CHODL: variants seen among roughly 807,000 people sequenced by gnomAD.
The protein encoded by CHODL is transmembrane protein MT75.
Under a neutral mutation model 34.5 loss-of-function variants are expected in CHODL, and 29 were observed. That is an observed-to-expected ratio of 0.84 (90% confidence interval 0.63 to 1.15). The LOEUF is 1.15. Ranked by LOEUF, CHODL falls within the 50% of genes most tolerant of loss-of-function variation. CHODL has a pLI of 0.00. For synonymous variants in CHODL, 125 were observed against 116.1 expected (o/e 1.08, Z -0.49); for missense variants, 332 against 332.5 (o/e 1.00, Z 0.01).
chr21:18,265,507 T>C (rs1426776385), intron 5 of CHODL, among the ~76,000 whole-genome samples: 1 of 151,786 alleles, frequency 6.6e-6, no homozygotes, highest in Non-Finnish European at 1.5e-5. Flanking sequence ...CACAGTGGAC[T>C]TTGGGGACTC....
rs566354276 is a variant in CHODL at position 18,012,932 on chromosome 21, C to T, written c.-144-14940C>T. ...CGTTCAGTAAATGGATAAATAAATG[C>T]GTAAAAAAATAGTATGTAGAACATG... is the stretch of plus-strand genomic sequence containing the variant. On this transcript the variant is annotated intron_variant, in intron 1 of 6. Transcript: ENST00000400127. Among the ~76,000 whole-genome samples, 36 of 137,150 alleles carry T rather than the reference C, an allele frequency of 2.6e-4. 1 individual carries two copies. The East Asian group carries it at 3.9e-3, about 15-fold the overall frequency. 90.0% of individuals were successfully genotyped at this position (137,150 alleles called of 152,430 possible).
At chr21:18,174,123 G>GTATATATATA (rs1159511070) in intron 2 of CHODL, among the ~76,000 whole-genome samples, 61 of 21,536 alleles carry the variant, frequency 2.8e-3, no homozygotes, top group South Asian at 6.9e-3. Flanking sequence ...ATATCTTGGT[G>GTATATATATA]TATATATATA....
chr21:17,940,400 A>G (rs1336876557), intron 1 of CHODL, among the ~76,000 whole-genome samples: 2 of 152,250 alleles, frequency 1.3e-5, no homozygotes, highest in Admixed American at 1.3e-4. Context: ...GCTATAAATT[A>G]TAGTGAACTA....
chr21:18,082,301 C>T (rs904766529), intron 2 of CHODL, among the ~76,000 whole-genome samples: 5 of 152,164 alleles, frequency 3.3e-5, no homozygotes. Context: ...GTCATGCTTC[C>T]CATTAAGCCT....
intron 2 of CHODL, among the ~76,000 whole-genome samples, chr21:18,224,875 A>G (rs890413894): frequency 9.9e-5 from 15 of 152,078 alleles, no homozygotes; most frequent in African/African-American, 3.4e-4. Flanking sequence ...AGTCAGTATA[A>G]TACCACTGCT....
At chr21:18,097,674 C>T (rs113380453) in intron 2 of CHODL, among the ~76,000 whole-genome samples, 6,802 of 152,050 alleles carry the variant, frequency 0.045, 508 homozygotes, top group African/African-American at 0.15. Context: ...ATGCAATCTC[C>T]ATCAAAATAC....
At chr21:18,248,691 A>ATACATATATATGTATATATTATG (rs2074180683) in intron 1 of CHODL, among the ~76,000 whole-genome samples, 4 of 122,188 alleles carry the variant, frequency 3.3e-5, no homozygotes, top group Admixed American at 9.6e-5. Context: ...TATATATTAT[A>ATACATATATATGTATATATTATG]TACATATATA....
At chr21:18,182,932 G>GGT (rs1256139994) in intron 2 of CHODL, among the ~76,000 whole-genome samples, 1 of 152,114 alleles carries the variant, frequency 6.6e-6, no homozygotes, top group Non-Finnish European at 1.5e-5. Flanking sequence ...AGTATATGGA[G>GGT]GTAGGCCAAG....
intron 2 of CHODL, among the ~76,000 whole-genome samples, chr21:18,231,802 G>A (rs2073981623): frequency 6.6e-6 from 1 of 151,662 alleles, no homozygotes; most frequent in Admixed American, 6.6e-5. Flanking sequence ...GTCCTACTGT[G>A]CTTTGTATGG....
At chr21:18,239,726 C>G (rs67879288) in intron 2 of CHODL, among the ~76,000 whole-genome samples, 38,372 of 151,666 alleles carry the variant, frequency 0.25, 5,298 homozygotes, top group African/African-American at 0.37. Flanking sequence ...GTTGGATTAT[C>G]TTTTACTCAA....
At chr21:18,167,693 TTTTTC>T (rs1489513131) in intron 2 of CHODL, among the ~76,000 whole-genome samples, 2 of 152,184 alleles carry the variant, frequency 1.3e-5, no homozygotes, top group African/African-American at 4.8e-5. Context: ...TCTGTTTATT[TTTTTC>T]TTTTATTTTT....
chr21:17,974,806 CT>C (rs1251975255), intron 1 of CHODL, among the ~76,000 whole-genome samples: 1 of 151,178 alleles, frequency 6.6e-6, no homozygotes, highest in African/African-American at 2.4e-5. Context: ...TAACAAAAGG[CT>C]CATTAATGAA....
At chr21:18,053,504 C>T (rs567142313) in intron 2 of CHODL, among the ~76,000 whole-genome samples, 7 of 151,826 alleles carry the variant, frequency 4.6e-5, no homozygotes, top group East Asian at 3.9e-4. Context: ...AATTTTACAG[C>T]GACTTCATTG....
chr21:18,164,137 G>T (rs1034413357), intron 2 of CHODL, among the ~76,000 whole-genome samples: 6 of 152,208 alleles, frequency 3.9e-5, no homozygotes, highest in African/African-American at 1.4e-4. Flanking sequence ...CTGAAGGAAA[G>T]CTTGCCCCAG....
chr21:17,954,905 AAT>A (rs534394988), intron 1 of CHODL, among the ~76,000 whole-genome samples: 3,342 of 59,312 alleles, frequency 0.056, 403 homozygotes, highest in African/African-American at 0.32. Context: ...TATTTTATAT[AAT>A]ATCTATAATT....
At chr21:18,002,768 C>G (rs1244729960) in intron 1 of CHODL, among the ~76,000 whole-genome samples, 1 of 152,128 alleles carries the variant, frequency 6.6e-6, no homozygotes, top group Non-Finnish European at 1.5e-5. Context: ...GACAGAGAGG[C>G]CTTCTGGGAA....
intron 2 of CHODL, among the ~76,000 whole-genome samples, chr21:18,133,663 G>A (rs368238624): frequency 3.9e-4 from 60 of 152,124 alleles, no homozygotes; most frequent in African/African-American, 1.1e-3. Context: ...GCAGATTTGC[G>A]TATAGCCCCC....
At chr21:18,220,542 T>C (rs546360425) in intron 2 of CHODL, among the ~76,000 whole-genome samples, 1 of 152,326 alleles carries the variant, frequency 6.6e-6, no homozygotes, top group Middle Eastern at 3.4e-3. Flanking sequence ...GTAGATATTG[T>C]TCTTTCATTT....
At chr21:18,083,416 C>T (rs2064965776) in intron 2 of CHODL, among the ~76,000 whole-genome samples, 1 of 152,158 alleles carries the variant, frequency 6.6e-6, no homozygotes, top group Non-Finnish European at 1.5e-5. Flanking sequence ...CCACAGATTC[C>T]CCACTGGCAC....
Sources: gnomAD v4.1 joint callset for allele counts (sites outside exome capture counted in the v4.1 genomes callset) on GRCh38, gnomAD v4.1.1 for gene constraint, MANE v1.5 for transcripts, NCBI Gene and HGNC (gene_info 2026-07-23, HGNC 2026-07-21) for gene names.